DCLK1: variants seen among roughly 807,000 people sequenced by gnomAD.
DCLK1 encodes the protein serine/threonine-protein kinase DCLK1.
In DCLK1, 16 loss-of-function variants were observed where a neutral mutation model predicts 86.2. The observed-to-expected ratio is 0.19, with a 90% CI of 0.13 to 0.28. The LOEUF is 0.28. Among genes scored for constraint, DCLK1 ranks in the 10% least tolerant of loss-of-function variants. DCLK1 has a pLI of 1.00. For synonymous variants in DCLK1, 369 were observed against 370.5 expected, an observed-to-expected ratio of 1.00 and a Z score of 0.05; for missense variants, 590 against 940.2, an observed-to-expected ratio of 0.63 and a Z score of 4.87.
chr13:36,089,812 A>T (rs925939134), intron 3 of DCLK1, among the ~76,000 whole-genome samples: 2 of 152,198 alleles, frequency 1.3e-5, no homozygotes, highest in Admixed American at 6.5e-5. Context: ...TGGCTCCAAC[A>T]ATAGCTAATG....
rs73180242 is a variant in DCLK1, at chr13:35,999,547, C to T, written c.724-52090G>A. Among the ~76,000 whole-genome samples, 182 of 152,240 alleles carry T rather than the reference C, an allele frequency of 1.2e-3. 2 individuals carry two copies. The highest frequency in any genetic ancestry group is 2.2e-3 in the Non-Finnish European group (149 of 68,024). On this transcript the variant is annotated intron_variant, in intron 3 of 16. Coordinates refer to ENST00000360631, the MANE Select transcript of DCLK1 (RefSeq NM_001330071.2). ...CTGCTTCTTCCTCTCAGGACCAGCA[C>T]AAAAACCCCTTCTACCTGGCTGAGC...
chr13:36,005,133 C>T (rs968609911), intron 3 of DCLK1, among the ~76,000 whole-genome samples: 6 of 151,826 alleles, frequency 4.0e-5, no homozygotes, highest in Non-Finnish European at 8.8e-5. Flanking sequence ...AGTCAAAAAC[C>T]GCATTTACTT....
intron 15 of DCLK1, among the ~76,000 whole-genome samples, chr13:35,794,409 T>C (rs2086765898): frequency 6.6e-6 from 1 of 152,238 alleles, no homozygotes; most frequent in African/African-American, 2.4e-5. Flanking sequence ...ATTCATTATT[T>C]TTCTTTTCTT....
At chr13:35,969,511 A>G (rs1025096095) in intron 3 of DCLK1, among the ~76,000 whole-genome samples, 1 of 152,166 alleles carries the variant, frequency 6.6e-6, no homozygotes, top group African/African-American at 2.4e-5. Flanking sequence ...CTCTACTGAC[A>G]CCTTGATTAT....
intron 4 of DCLK1, among the ~76,000 whole-genome samples, chr13:35,917,338 CTA>C (rs1363475063): frequency 6.6e-6 from 1 of 152,146 alleles, no homozygotes; most frequent in African/African-American, 2.4e-5. Flanking sequence ...TTGCATATAA[CTA>C]AAACAATAAC....
chr13:36,034,776 GT>G, intron 3 of DCLK1, among the ~76,000 whole-genome samples: 1 of 152,044 alleles, frequency 6.6e-6, no homozygotes, highest in East Asian at 1.9e-4. Flanking sequence ...GCTACCAACA[GT>G]TTAACCACCA....
chr13:36,108,559 C>T (rs891694095), intron 3 of DCLK1, among the ~76,000 whole-genome samples: 11 of 152,294 alleles, frequency 7.2e-5, no homozygotes, highest in Non-Finnish European at 8.8e-5. Context: ...CAGCAGGCTC[C>T]GGCTTTCATG....
In DCLK1 at chr13:36,118,114, T is replaced by C. The variant is rs137945566; in HGVS notation, c.377-5899A>G. On this transcript the variant is annotated intron_variant, in intron 2 of 16. Transcript: ENST00000360631. ...AAAAAATGAAATAAAAATGATTCCA[T>C]AGACAGACGAGTTAGATAAAACCAC... is the stretch of plus-strand genomic sequence containing the variant. Among the ~76,000 whole-genome samples, 215 of 152,174 alleles carry C rather than the reference T, an allele frequency of 1.4e-3. 6 individuals carry two copies. The East Asian group carries it at 0.039, about 28-fold the overall frequency.
intron 3 of DCLK1, among the ~76,000 whole-genome samples, chr13:35,958,066 G>T (rs201319571): frequency 5.2e-4 from 29 of 55,386 alleles, no homozygotes; most frequent in African/African-American, 1.3e-3. Flanking sequence ...ATAACCACTA[G>T]CACCACCACC....
chr13:35,802,617 C>T (rs758425866), intron 15 of DCLK1, among the ~76,000 whole-genome samples: 35 of 152,266 alleles, frequency 2.3e-4, no homozygotes, highest in Admixed American at 4.6e-4. Context: ...CAACGCATTA[C>T]GTCTATCATG....
Position 36,024,546 on chromosome 13 carries a change from A to G in DCLK1, c.724-77089T>C, listed in dbSNP as rs537325415. Among the ~76,000 whole-genome samples the G allele has an allele frequency of 9.2e-5, 14 of 152,354 alleles. No homozygotes were observed. In the East Asian group the frequency reaches 2.1e-3, roughly 23 times the overall value. On this transcript the variant is annotated intron_variant, in intron 3 of 16. Transcript: ENST00000360631. ...ACTAAAGAAGGATAAGACTTGCACA[A>G]TGAAAACTATAAAACATTGTTGAAA...
chr13:35,828,960 A>G (rs1251896344), intron 8 of DCLK1, among the ~76,000 whole-genome samples: 1 of 152,204 alleles, frequency 6.6e-6, no homozygotes, highest in African/African-American at 2.4e-5. Flanking sequence ...TGGAGAACTC[A>G]TAGATGATAT....
At chr13:36,061,102 G>A (rs1296659572) in intron 3 of DCLK1, among the ~76,000 whole-genome samples, 2 of 152,228 alleles carry the variant, frequency 1.3e-5, no homozygotes, top group East Asian at 1.9e-4. Context: ...TGGTGATGGC[G>A]ATGATGGGGG....
intron 5 of DCLK1, chr13:35,855,932 G>C: frequency 1.2e-6 from 1 of 855,788 alleles, no homozygotes; most frequent in South Asian, 5.5e-5. Context: ...AAAGCCTGGT[G>C]ACTACCAGGT....
intron 3 of DCLK1, among the ~76,000 whole-genome samples, chr13:36,075,752 C>CA (rs1491453860): frequency 1.3e-5 from 2 of 152,290 alleles, no homozygotes; most frequent in East Asian, 3.9e-4. Flanking sequence ...CATGGTGGCT[C>CA]ACGCCTGTAA....
intron 16 of DCLK1, among the ~76,000 whole-genome samples, chr13:35,782,938 A>G (rs2086555080): frequency 6.6e-6 from 1 of 152,250 alleles, no homozygotes; most frequent in African/African-American, 2.4e-5. Context: ...CTGTAGGGCA[A>G]AGGCAGCCAT....
At chr13:36,001,912 A>G (rs1880738799) in intron 3 of DCLK1, among the ~76,000 whole-genome samples, 1 of 152,190 alleles carries the variant, frequency 6.6e-6, no homozygotes, top group Non-Finnish European at 1.5e-5. Flanking sequence ...TCTTCTCAGT[A>G]TCAAGTAGAT....
At chr13:35,886,036 G>T (rs1873212351) in intron 4 of DCLK1, among the ~76,000 whole-genome samples, 1 of 146,552 alleles carries the variant, frequency 6.8e-6, no homozygotes. Flanking sequence ...TTTTGAGACG[G>T]AGTCTCGCTC....
intron 4 of DCLK1, among the ~76,000 whole-genome samples, chr13:35,936,166 C>T (rs927703057): frequency 6.6e-6 from 1 of 151,950 alleles, no homozygotes; most frequent in East Asian, 1.9e-4. Context: ...AGGGAATCAT[C>T]AAAAATGTCA....
Sources: gnomAD v4.1 joint callset for allele counts (sites outside exome capture counted in the v4.1 genomes callset) on GRCh38, gnomAD v4.1.1 for gene constraint, MANE v1.5 for transcripts, NCBI Gene and HGNC (gene_info 2026-07-23, HGNC 2026-07-21) for gene names.